The following BRINP3 variants were observed in gnomAD, a reference collection of about 807,000 sequenced individuals.
BRINP3 encodes BMP/retinoic acid inducible neural specific 3.
Under a neutral mutation model 71.0 loss-of-function variants are expected in BRINP3, and 19 were observed. That is an observed-to-expected ratio of 0.27 (90% CI 0.19 to 0.39). The LOEUF (loss-of-function observed/expected upper bound fraction) is 0.39. BRINP3 is among the 10% of genes least tolerant of loss of function. The pLI is 1.00. For synonymous variants in BRINP3, 380 were observed against 337.7 expected, an observed-to-expected ratio of 1.13 and a Z score of -1.37; for missense variants, 959 against 940.8, an observed-to-expected ratio of 1.02 and a Z score of -0.25.
chr1:190,287,070 A>AT (rs2102953576), intron 2 of BRINP3, among the ~76,000 whole-genome samples: 1 of 150,556 alleles, frequency 6.6e-6, no homozygotes, highest in South Asian at 2.1e-4. Context: ...AAAAAAAAGA[A>AT]AAAAAAAATA....
chr1:190,326,425 T>C (rs1247642489), intron 2 of BRINP3, among the ~76,000 whole-genome samples: 4 of 151,818 alleles, frequency 2.6e-5, no homozygotes, highest in Non-Finnish European at 5.9e-5. Flanking sequence ...GCTAGAGAGG[T>C]AGACAGTCAG....
chr1:190,165,456 TTTTTTGTGTGTG>T (rs1651424939), intron 6 of BRINP3, among the ~76,000 whole-genome samples: 2 of 107,626 alleles, frequency 1.9e-5, no homozygotes, highest in Admixed American at 9.1e-5. Context: ...TTTTTTTTTT[TTTTTTGTGTGTG>T]TGTGTGTGTG....
At chr1:190,122,222 T>G (rs1981303) in intron 7 of BRINP3, among the ~76,000 whole-genome samples, 58,534 of 151,948 alleles carry the variant, frequency 0.39, 12,014 homozygotes, top group Non-Finnish European at 0.47. Flanking sequence ...ATTTGTTCAT[T>G]TGTACATTCA....
intron 6 of BRINP3, among the ~76,000 whole-genome samples, chr1:190,177,424 C>G (rs1416317260): frequency 6.7e-6 from 1 of 150,052 alleles, no homozygotes; most frequent in Admixed American, 6.7e-5. Context: ...GTGATCCACC[C>G]GCCTCGGCCT....
At chr1:190,452,453 A>G (rs1675676908) in intron 2 of BRINP3, among the ~76,000 whole-genome samples, 1 of 152,208 alleles carries the variant, frequency 6.6e-6, no homozygotes, top group Non-Finnish European at 1.5e-5. Context: ...TTGCATAAAA[A>G]CCAAACAGAA....
intron 6 of BRINP3, among the ~76,000 whole-genome samples, chr1:190,202,010 C>T (rs1655052056): frequency 6.6e-6 from 1 of 152,114 alleles, no homozygotes; most frequent in South Asian, 2.1e-4. Flanking sequence ...AAGAGGGCCA[C>T]CACCCTCCAG....
chr1:190,177,786 T>A (rs886713312), intron 6 of BRINP3, among the ~76,000 whole-genome samples: 1 of 152,186 alleles, frequency 6.6e-6, no homozygotes, highest in Non-Finnish European at 1.5e-5. Flanking sequence ...CAAATTGGAA[T>A]GTTATTTCAC....
chr1:190,361,117 G>A (rs1046129964), intron 2 of BRINP3, among the ~76,000 whole-genome samples: 1 of 151,888 alleles, frequency 6.6e-6, no homozygotes, highest in African/African-American at 2.4e-5. Flanking sequence ...CTCAAGCATA[G>A]ATACCATGGT....
chr1:190,395,508 TG>T (rs1157897163), intron 2 of BRINP3, among the ~76,000 whole-genome samples: 1 of 151,784 alleles, frequency 6.6e-6, no homozygotes, highest in East Asian at 1.9e-4. Flanking sequence ...CAGTGGTCTT[TG>T]AACCCAGTAA....
At chr1:190,463,820 T>A (rs558486215) in intron 1 of BRINP3, among the ~76,000 whole-genome samples, 15 of 152,004 alleles carry the variant, frequency 9.9e-5, no homozygotes, top group African/African-American at 3.6e-4. Flanking sequence ...CATTTTTTAT[T>A]TAAAGGTAAT....
chr1:190,322,507 C>G (rs1031982824), intron 2 of BRINP3, among the ~76,000 whole-genome samples: 1 of 151,844 alleles, frequency 6.6e-6, no homozygotes, highest in African/African-American at 2.4e-5. Flanking sequence ...ACAGACAGAC[C>G]TGAAGAAAAA....
intron 2 of BRINP3, among the ~76,000 whole-genome samples, chr1:190,333,175 C>T (rs948865313): frequency 6.6e-6 from 1 of 151,672 alleles, no homozygotes; most frequent in Admixed American, 6.6e-5. Flanking sequence ...TAGATTTCTC[C>T]CCCACTGCAT....
At chr1:190,102,782 G>C (rs368777375) in intron 7 of BRINP3, among the ~76,000 whole-genome samples, 2 of 151,888 alleles carry the variant, frequency 1.3e-5, no homozygotes, top group Non-Finnish European at 2.9e-5. Flanking sequence ...AGGATATAGA[G>C]AATCTTTATC....
chr1:190,474,791 A>G (rs552403881), intron 1 of BRINP3: 3 of 151,704 alleles, frequency 2.0e-5, no homozygotes, highest in Admixed American at 6.5e-5. Flanking sequence ...GACTAGGAGA[A>G]CAGCCATCAG....
intron 2 of BRINP3, among the ~76,000 whole-genome samples, chr1:190,305,353 A>C (rs1665020400): frequency 6.6e-6 from 1 of 151,822 alleles, no homozygotes; most frequent in African/African-American, 2.4e-5. Flanking sequence ...AATCAATCCA[A>C]ATGTCCATTA....
intron 5 of BRINP3, among the ~76,000 whole-genome samples, chr1:190,228,329 T>C (rs1338417062): frequency 6.6e-6 from 1 of 151,976 alleles, no homozygotes; most frequent in Non-Finnish European, 1.5e-5. Flanking sequence ...TAACAGTAAT[T>C]GAGTGTGGAC....
At chr1:190,327,349 A>AAT in intron 2 of BRINP3, among the ~76,000 whole-genome samples, 1 of 143,960 alleles carries the variant, frequency 6.9e-6, no homozygotes, top group Non-Finnish European at 1.5e-5. Context: ...AAAAAAAAAA[A>AAT]AGGAAAAAAA....
At chr1:190,406,939 C>G (rs1010971596) in intron 2 of BRINP3, among the ~76,000 whole-genome samples, 2 of 152,016 alleles carry the variant, frequency 1.3e-5, no homozygotes, top group African/African-American at 4.8e-5. Flanking sequence ...AAGCTAGATG[C>G]CATATTACAA....
chr1:190,346,440 A>C (rs1668025863), intron 2 of BRINP3, among the ~76,000 whole-genome samples: 1 of 151,996 alleles, frequency 6.6e-6, no homozygotes, highest in Admixed American at 6.6e-5. Flanking sequence ...TATCCTTTTT[A>C]TCTTTGGTAT....
Sources: allele counts gnomAD v4.1 joint callset (sites outside exome capture counted in the v4.1 genomes callset), GRCh38; gene constraint gnomAD v4.1.1; transcripts MANE v1.5; gene names NCBI Gene and HGNC (gene_info 2026-07-23, HGNC 2026-07-21).